Variants in STAC observed in about 807,000 individuals in gnomAD.
STAC encodes the protein SH3 and cysteine rich domain.
A neutral mutation model predicts 48.8 loss-of-function variants in STAC; 43 were observed. The ratio of observed to expected loss-of-function variants is 0.88; its 90% confidence interval spans 0.69 to 1.14. The LOEUF is 1.14. STAC is among the 50% of genes most tolerant of loss of function. The probability of loss-of-function intolerance (pLI) is 0.00; values close to 1 mark genes in which losing one functional copy is unlikely to be tolerated. For synonymous variants in STAC, 193 were observed against 179.5 expected (o/e 1.07, Z -0.60); for missense variants, 497 against 504.0 (o/e 0.99, Z 0.13).
chr3:36,492,230 A>G (rs1335829491), intron 5 of STAC, among the ~76,000 whole-genome samples: 2 of 151,344 alleles, frequency 1.3e-5, no homozygotes, highest in Non-Finnish European at 1.5e-5. Context: ...AGCGTTTGCC[A>G]GTTCCATGGA....
chr3:36,388,371 T>A (rs769298231), intron 1 of STAC, among the ~76,000 whole-genome samples: 11 of 152,102 alleles, frequency 7.2e-5, no homozygotes, highest in Non-Finnish European at 1.2e-4. Flanking sequence ...TTTAAAAAAT[T>A]ATTTATAAAT....
intron 1 of STAC, chr3:36,409,584 G>A (rs1365639783): frequency 1.3e-5 from 2 of 152,162 alleles, no homozygotes; most frequent in Non-Finnish European, 2.9e-5. Flanking sequence ...CAAAAGTTTA[G>A]TTGGCCTGTA....
At chr3:36,517,472 A>G (rs1037509498) in intron 8 of STAC, among the ~76,000 whole-genome samples, 3 of 152,156 alleles carry the variant, frequency 2.0e-5, no homozygotes, top group Admixed American at 1.3e-4. Flanking sequence ...CAACATGGAA[A>G]GACACCATCT....
In STAC at chr3:36,445,765, A is replaced by G. The variant is rs549629088; in HGVS notation, c.388+2125A>G. 2.0e-5 allele frequency among the ~76,000 whole-genome samples: 3 copies of G among 152,308 alleles called. No individual in the cohort carries two copies. In the East Asian group the frequency reaches 5.8e-4, roughly 29 times the overall value. On this transcript the variant is annotated intron_variant, in intron 2 of 10. Transcript: ENST00000273183. Reference sequence around the variant, plus strand: ...TTATCCCCTTAGAATGACATCCCAGAAAAGATATTAAAGCTGTTTGTTTTT... The same window carrying G: ...TTATCCCCTTAGAATGACATCCCAGGAAAGATATTAAAGCTGTTTGTTTTT...
At chr3:36,412,301 C>A (rs1032533154) in intron 1 of STAC, among the ~76,000 whole-genome samples, 4 of 152,156 alleles carry the variant, frequency 2.6e-5, no homozygotes, top group Non-Finnish European at 4.4e-5. Context: ...CAATCATGTT[C>A]TCTCTTTTAT....
chr3:36,445,995 C>T (rs955020133), intron 2 of STAC, among the ~76,000 whole-genome samples: 1 of 152,186 alleles, frequency 6.6e-6, no homozygotes, highest in African/African-American at 2.4e-5. Flanking sequence ...ACACCCTTGC[C>T]ATAAGATCCC....
At chr3:36,513,625 A>G (rs1284559713) in intron 8 of STAC, among the ~76,000 whole-genome samples, 2 of 152,108 alleles carry the variant, frequency 1.3e-5, no homozygotes, top group African/African-American at 4.8e-5. Flanking sequence ...CTTTCTAATA[A>G]TAAGGCTTAC....
At chr3:36,485,199 T>TTCCC in intron 4 of STAC, 141 bp downstream of exon 4, 1 of 569,078 alleles carries the variant, frequency 1.8e-6, no homozygotes, top group Non-Finnish European at 2.9e-6. Context: ...GACTGTGTGT[T>TTCCC]TTGCTGGAAG....
chr3:36,445,764 G>C (rs1696492461), intron 2 of STAC, among the ~76,000 whole-genome samples: 1 of 152,140 alleles, frequency 6.6e-6, no homozygotes. Context: ...TGACATCCCA[G>C]AAAAGATATT....
chr3:36,420,763 T>C (rs1420680640), intron 1 of STAC, among the ~76,000 whole-genome samples: 1 of 152,180 alleles, frequency 6.6e-6, no homozygotes, highest in Non-Finnish European at 1.5e-5. Flanking sequence ...TTACTACAAT[T>C]TTTGGTACTT....
At chr3:36,521,550 G>C (rs1698806019) in intron 8 of STAC, among the ~76,000 whole-genome samples, 1 of 152,126 alleles carries the variant, frequency 6.6e-6, no homozygotes, top group South Asian at 2.1e-4. Context: ...GGACAAGGAA[G>C]GGGAAGAGGG....
At chr3:36,391,182 A>G (rs1699745251) in intron 1 of STAC, among the ~76,000 whole-genome samples, 1 of 152,152 alleles carries the variant, frequency 6.6e-6, no homozygotes, top group African/African-American at 2.4e-5. Context: ...CCACCTTACC[A>G]AAAGAAAGGA....
chr3:36,458,860 G>C (rs1202859807), intron 2 of STAC, among the ~76,000 whole-genome samples: 1 of 152,192 alleles, frequency 6.6e-6, no homozygotes, highest in Non-Finnish European at 1.5e-5. Context: ...CAGAAATTTA[G>C]TGAGTATCTA....
rs772130161 is a variant in STAC, at chr3:36,457,560, G to A, written c.388+13920G>A. 5.9e-5 allele frequency among the ~76,000 whole-genome samples: 9 copies of A among 152,286 alleles called. No homozygotes were observed. In the Middle Eastern group the frequency reaches 0.01, roughly 173 times the overall value. On this transcript the variant is annotated intron_variant, in intron 2 of 10. Coordinates refer to ENST00000273183, the MANE Select transcript of STAC (RefSeq NM_003149.3). ...TGGCCAGTCCATTCTTTGGAGACCT[G>A]AGGATCAATACAAATTCTTCAGCCT... is the stretch of plus-strand genomic sequence containing the variant.
intron 10 of STAC, among the ~76,000 whole-genome samples, chr3:36,543,397 T>C (rs1699374171): frequency 6.6e-6 from 1 of 152,208 alleles, no homozygotes; most frequent in Non-Finnish European, 1.5e-5. Flanking sequence ...ACTCATCATC[T>C]TCAAAACTTC....
chr3:36,398,531 A>AAG (rs1274952963), intron 1 of STAC, among the ~76,000 whole-genome samples: 1 of 62,702 alleles, frequency 1.6e-5, no homozygotes, highest in Non-Finnish European at 3.0e-5. Context: ...GAGAGAAAGA[A>AAG]AGAAAGAGAG....
intron 2 of STAC, among the ~76,000 whole-genome samples, chr3:36,468,546 CTAG>C (rs1697237898): frequency 6.6e-6 from 1 of 150,442 alleles, no homozygotes. Context: ...TTTATTAGGT[CTAG>C]TAGTAATTGT....
intron 2 of STAC, among the ~76,000 whole-genome samples, chr3:36,463,800 T>G (rs1575217111): frequency 6.6e-6 from 1 of 151,856 alleles, no homozygotes; most frequent in Non-Finnish European, 1.5e-5. Context: ...TTACTGAGAA[T>G]GATGGTTTCC....
chr3:36,536,863 A>C (rs9817238), intron 10 of STAC, among the ~76,000 whole-genome samples: 150,258 of 150,718 alleles, frequency 1, 74,901 homozygotes, highest in Middle Eastern at 1. Context: ...AAAAAAAAAA[A>C]AACCCCAATA....
Sources: gnomAD v4.1 joint callset for allele counts (sites outside exome capture counted in the v4.1 genomes callset) on GRCh38, gnomAD v4.1.1 for gene constraint, MANE v1.5 for transcripts, NCBI Gene and HGNC (gene_info 2026-07-23, HGNC 2026-07-21) for gene names.